Variants in RPRD1B observed in about 807,000 individuals in gnomAD.
RPRD1B encodes the protein regulation of nuclear pre-mRNA domain-containing protein 1B.
A neutral mutation model predicts 41.5 loss-of-function variants in RPRD1B; 11 were observed. That is an observed-to-expected ratio of 0.27 (90% CI 0.17 to 0.44). RPRD1B has a LOEUF of 0.44. Ranked by LOEUF, RPRD1B falls within the 20% of genes least tolerant of loss-of-function variation. The pLI, the probability that RPRD1B is intolerant of heterozygous loss-of-function variation, is 1.00. For missense variants in RPRD1B, 248 were observed against 389.9 expected (o/e 0.64, Z 3.06); for synonymous variants, 158 against 155.6 (o/e 1.02, Z -0.12).
At chr20:38,077,578 A>T (rs574698418) in intron 6 of RPRD1B, among the ~76,000 whole-genome samples, 2 of 151,692 alleles carry the variant, frequency 1.3e-5, no homozygotes, top group South Asian at 4.2e-4. Context: ...ACCTCCCACC[A>T]CCATCTTCCA....
intron 6 of RPRD1B, among the ~76,000 whole-genome samples, chr20:38,086,733 G>A (rs938551887): frequency 2.0e-5 from 3 of 152,136 alleles, no homozygotes; most frequent in African/African-American, 7.2e-5. Context: ...TACAATAGGC[G>A]TCCCTGCGAG....
intron 5 of RPRD1B, among the ~76,000 whole-genome samples, chr20:38,064,374 A>G (rs1023065024): frequency 1.3e-5 from 2 of 152,140 alleles, no homozygotes; most frequent in Non-Finnish European, 2.9e-5. Context: ...TGTGTTGGGG[A>G]TTCTTAAATC....
intron 3 of RPRD1B, among the ~76,000 whole-genome samples, 170 bp from the exon 4 acceptor site, chr20:38,057,362 T>C (rs2074253986): frequency 6.6e-6 from 1 of 152,238 alleles, no homozygotes; most frequent in African/African-American, 2.4e-5. Flanking sequence ...TTTTCAGTAA[T>C]GTAGGGAACT....
rs1481212123 is a variant in RPRD1B at position 38,040,562 on chromosome 20, C to G, written c.279C>G (p.Ala93=). ...TTGTGGATGCTTTTTCTCATGTTGC[C>G]AGGTATGTTGTCTGTTTTTTGGATT... ...SVLVDAFSHV[A]READEGCKKP... Residue 93 remains alanine, a splice_region_variant and synonymous_variant, in exon 2 of 7, where the codon GCC becomes GCG. Transcript: ENST00000373433. The G allele has an allele frequency of 1.9e-6, 3 of 1,593,474 alleles. No individual in the cohort carries two copies. In the African/African-American group the frequency reaches 4.1e-5, roughly 22 times the overall value.
At chr20:38,065,413 G>T (rs540438740) in intron 5 of RPRD1B, among the ~76,000 whole-genome samples, 1 of 152,070 alleles carries the variant, frequency 6.6e-6, no homozygotes, top group Non-Finnish European at 1.5e-5. Flanking sequence ...ATATCCATGG[G>T]GGTTTGGTTC....
chr20:38,057,192 T>G (rs77055768), intron 3 of RPRD1B, among the ~76,000 whole-genome samples: 2,505 of 152,308 alleles, frequency 0.016, 63 homozygotes, highest in African/African-American at 0.057. Flanking sequence ...CAATATCTTC[T>G]CTGTAAACCC....
intron 3 of RPRD1B, among the ~76,000 whole-genome samples, chr20:38,050,477 A>G (rs1809992143): frequency 6.6e-6 from 1 of 152,222 alleles, no homozygotes; most frequent in African/African-American, 2.4e-5. Flanking sequence ...TCTGCCTTAG[A>G]GTTCATTGGT....
chr20:38,077,411 T>C (rs1192138853), intron 6 of RPRD1B, among the ~76,000 whole-genome samples: 2 of 152,180 alleles, frequency 1.3e-5, no homozygotes. Context: ...TTTCCTTCTC[T>C]TTCCTTGGCT....
At chr20:38,058,262 G>A (rs1020038861) in intron 4 of RPRD1B, among the ~76,000 whole-genome samples, 2 of 151,878 alleles carry the variant, frequency 1.3e-5, no homozygotes, top group Non-Finnish European at 2.9e-5. Context: ...GGGGCGGGGG[G>A]GGCTTCATCT....
chr20:38,068,467 AC>A (rs2074380184), intron 6 of RPRD1B, among the ~76,000 whole-genome samples: 1 of 152,186 alleles, frequency 6.6e-6, no homozygotes, highest in Admixed American at 6.5e-5. Context: ...ATCTCAGCTC[AC>A]TGCAGCCTCC....
intron 6 of RPRD1B, among the ~76,000 whole-genome samples, chr20:38,068,563 TA>T (rs1320187745): frequency 6.6e-6 from 1 of 152,164 alleles, no homozygotes; most frequent in African/African-American, 2.4e-5. Flanking sequence ...CACGCCCGGC[TA>T]ATTTTTTTTG....
chr20:38,059,537 T>C lies in RPRD1B; in HGVS notation c.655+17T>C, dbSNP rs755524167. The C allele has an allele frequency of 6.2e-7, 1 of 1,613,020 alleles. No homozygotes were observed. Among genetic ancestry groups the C allele is most frequent in the Non-Finnish European group, 8.5e-7 (1 of 1,179,404 alleles). ...AAATAACAGGTGAGAAGGTAGAGTT[T>C]GGGTGAAAGGTGAGGAGAGAGGGAC... On this transcript the variant is annotated intron_variant, in intron 5 of 6. Coordinates refer to ENST00000373433, the MANE Select transcript of RPRD1B (RefSeq NM_021215.4).
Position 38,076,906 on chromosome 20 carries a change from C to CTTTTTTTTTTTTTTTTTTTTTTT in RPRD1B, c.831+10658_831+10680dup, listed in dbSNP as rs573460686. Among the ~76,000 whole-genome samples the CTTTTTTTTTTTTTTTTTTTTTTT allele has an allele frequency of 7.9e-5, 5 of 63,510 alleles. 1 individual carries two copies. The highest frequency in any genetic ancestry group is 3.5e-4 in the Admixed American group (2 of 5,690). The allele number at this position is 63,510 out of a possible 152,430, so 41.7% of individuals were successfully genotyped here. On this transcript the variant is annotated intron_variant, in intron 6 of 6. Coordinates refer to ENST00000373433, the MANE Select transcript of RPRD1B (RefSeq NM_021215.4). Reference sequence around the variant, plus strand: ...CCTTTAGCCTTTTCTCATTCTGGACCTTTTTTTTTTTTTTTTTTTTTTTTT... The same window carrying CTTTTTTTTTTTTTTTTTTTTTTT: ...CCTTTAGCCTTTTCTCATTCTGGACCTTTTTTTTTTTTTTTTTTTTTTTTTTTTTTTTTTTTTTTTTTTTTTTT...
chr20:38,089,355 T>A (rs1484912103), intron 6 of RPRD1B, among the ~76,000 whole-genome samples: 3 of 152,184 alleles, frequency 2.0e-5, no homozygotes, highest in Admixed American at 6.5e-5. Flanking sequence ...CATATCTAGG[T>A]GGAGTCCGCA....
At position 38,091,254 on chromosome 20, in the gene RPRD1B, C is replaced by T; in HGVS notation, c.*1379C>T. 4.1e-6 allele frequency: 4 copies of T among 985,776 alleles called. No homozygotes were observed. The highest frequency in any genetic ancestry group is 4.8e-6 in the Non-Finnish European group (4 of 829,904). The allele number at this position is 985,776 out of a possible 1,614,324, so 61.1% of individuals were successfully genotyped here. ...AATTCAGTGGAGGGGGCTTTGTAATCTCCATTAATTTGTGTTGCTACTTCC... is the reference window on the plus strand; with the variant it reads ...AATTCAGTGGAGGGGGCTTTGTAATTTCCATTAATTTGTGTTGCTACTTCC... On this transcript the variant is annotated 3_prime_UTR_variant, in exon 7 of 7. Coordinates refer to ENST00000373433, the MANE Select transcript of RPRD1B (RefSeq NM_021215.4).
At chr20:38,043,125 A>G (rs1200067647) in intron 2 of RPRD1B, among the ~76,000 whole-genome samples, 1 of 152,232 alleles carries the variant, frequency 6.6e-6, no homozygotes, top group Non-Finnish European at 1.5e-5. Flanking sequence ...AGATACTTTC[A>G]GAGCAGGACA....
intron 6 of RPRD1B, among the ~76,000 whole-genome samples, chr20:38,082,227 C>G (rs2074519148): frequency 6.6e-6 from 1 of 152,008 alleles, no homozygotes; most frequent in Non-Finnish European, 1.5e-5. Context: ...ATTACTGATT[C>G]AATTTTGGAA....
chr20:38,076,502 A>G (rs1215712964), intron 6 of RPRD1B, among the ~76,000 whole-genome samples: 1 of 152,208 alleles, frequency 6.6e-6, no homozygotes, highest in Non-Finnish European at 1.5e-5. Flanking sequence ...AAAAGAAATC[A>G]TCACATTCAC....
At chr20:38,049,794 T>C in intron 3 of RPRD1B, 2 of 471,224 alleles carry the variant, frequency 4.2e-6, no homozygotes, top group South Asian at 3.1e-5. Flanking sequence ...CATACATGTT[T>C]CCTGGAGGAT....
Sources: gnomAD v4.1 joint callset for allele counts (sites outside exome capture counted in the v4.1 genomes callset) on GRCh38, gnomAD v4.1.1 for gene constraint, MANE v1.5 for transcripts, NCBI Gene and HGNC (gene_info 2026-07-23, HGNC 2026-07-21) for gene names.